The following LMNB2 variants were observed in gnomAD, a reference collection of about 807,000 sequenced individuals.
LMNB2 encodes lamin B2.
In LMNB2, 17 loss-of-function variants were observed where a neutral mutation model predicts 69.3. The ratio of observed to expected loss-of-function variants is 0.25; its 90% CI spans 0.17 to 0.37. The LOEUF is 0.37. LMNB2 is among the 10% of genes least tolerant of loss of function. The probability of loss-of-function intolerance (pLI) is 1.00; values close to 1 mark genes in which losing one functional copy is unlikely to be tolerated. For synonymous variants in LMNB2, 397 were observed against 389.3 expected (o/e 1.02, Z -0.23); for missense variants, 789 against 883.6 (o/e 0.89, Z 1.36).
At position 2,429,152 on chromosome 19, in the gene LMNB2, A is replaced by G. The variant is rs1254717957; in HGVS notation, c.*1759T>C. ...GACCACTGCAGACTCCCCATAGGACAAGATCACCAAGACCCACCCCCAGAA... is the reference window on the plus strand; with the variant it reads ...GACCACTGCAGACTCCCCATAGGACGAGATCACCAAGACCCACCCCCAGAA... On this transcript the variant is annotated 3_prime_UTR_variant, in exon 12 of 12. Coordinates refer to ENST00000325327, the MANE Select transcript of LMNB2 (RefSeq NM_032737.4). 1 of 152,266 alleles carries G rather than the reference A, an allele frequency of 6.6e-6. No homozygotes were observed. Among genetic ancestry groups the G allele is most frequent in the African/African-American group, 2.4e-5 (1 of 41,430 alleles). 9.4% of individuals were successfully genotyped at this position (152,266 alleles called of 1,614,324 possible).
At chr19:2,456,333 C>G (rs1419764604) in intron 1 of LMNB2, among the ~76,000 whole-genome samples, 1 of 133,998 alleles carries the variant, frequency 7.5e-6, no homozygotes, top group African/African-American at 2.8e-5. Flanking sequence ...TCTGCACCCC[C>G]GCCCAGGGTC....
chr19:2,433,856 C>G lies in LMNB2; in HGVS notation c.1452G>C (p.Lys484Asn), dbSNP rs1331902140. The change falls in exon 8 of 12, where the codon AAG becomes AAC. Residue 484 changes from lysine to asparagine, a missense_variant. Transcript: ENST00000325327. ...CCGAGTTGTTCTTGAGCTGCACAAA[C>G]TTGCCCTCCAGGTCGATCTCCTCGA... ...VSIEEIDLEG[K>N]FVQLKNNSDK... 4 of 1,613,450 alleles carry G rather than the reference C, an allele frequency of 2.5e-6. No homozygotes were observed. In the East Asian group the frequency reaches 8.9e-5, roughly 36 times the overall value.
At chr19:2,451,894 C>T (rs1160636086) in intron 1 of LMNB2, among the ~76,000 whole-genome samples, 1 of 152,080 alleles carries the variant, frequency 6.6e-6, no homozygotes, top group Non-Finnish European at 1.5e-5. Context: ...CCTCCGAGAC[C>T]CCCTCCAGCA....
chr19:2,456,597 G>C, intron 1 of LMNB2, 73 bp downstream of exon 1: 1 of 1,314,938 alleles, frequency 7.6e-7, no homozygotes, highest in South Asian at 2.0e-5. Flanking sequence ...CAGGGTCCCC[G>C]CGATCGCGCG....
At chr19:2,435,779 T>C (rs968713570) in intron 4 of LMNB2, among the ~76,000 whole-genome samples, 13 of 151,150 alleles carry the variant, frequency 8.6e-5, no homozygotes, top group Non-Finnish European at 1.5e-4. Flanking sequence ...GATCGCACCA[T>C]TGCACTCCAA....
intron 2 of LMNB2, among the ~76,000 whole-genome samples, chr19:2,440,152 A>G (rs1009030350): frequency 4.6e-5 from 7 of 151,538 alleles, no homozygotes; most frequent in African/African-American, 1.5e-4. Flanking sequence ...TTATCTATAT[A>G]ATCTATGTCC....
In LMNB2 at chr19:2,435,131, A is replaced by C. The variant is rs779447432; in HGVS notation, c.725T>G (p.Val242Gly). The change falls in exon 5 of 12, where the codon GTG (valine) becomes GGG (glycine). Residue 242 changes from valine to glycine, a missense_variant. Val to Gly is a moderately radical substitution (Grantham distance 109, BLOSUM62 -3). Around this residue, in one of 3 missense-constraint regions of LMNB2, gnomAD observed 609 missense variants for 630.9 expected, o/e 0.97. Coordinates refer to ENST00000325327, the MANE Select transcript of LMNB2 (RefSeq NM_032737.4). ...ETRRRHERRL[V>G]EVDSSRQQEY... is the part of the protein sequence containing the mutation. ...CTGCTGCCGGCTGCTGTCCACCTCC[A>C]CCAGGCGCCGCTCGTGCCGCCGCCG... 1.2e-6 allele frequency: 2 copies of C among 1,606,292 alleles called. No homozygotes were observed. The highest frequency in any genetic ancestry group is 8.5e-7 in the Non-Finnish European group (1 of 1,179,610).
At position 2,443,662 on chromosome 19, in the gene LMNB2, C is replaced by T. The variant is rs1407687018; in HGVS notation, c.401+742G>A. Among the ~76,000 whole-genome samples, 2 of 152,198 alleles carry T rather than the reference C, an allele frequency of 1.3e-5. No individual in the cohort carries two copies. The highest frequency in any genetic ancestry group is 2.9e-5 in the Non-Finnish European group (2 of 68,042). ...CGGAGACCACGGAAGACAGTGTCCA[C>T]ACGCAGGGCACCAGAGACCTCGCTC... is the stretch of plus-strand genomic sequence containing the variant. On this transcript the variant is annotated intron_variant, in intron 2 of 11. Coordinates refer to ENST00000325327, the MANE Select transcript of LMNB2 (RefSeq NM_032737.4). The surrounding 1 kb of genome is among the most constrained non-coding windows in gnomAD (Gnocchi z 6.2).
rs887995643 is a variant in LMNB2 at position 2,429,836 on chromosome 19, G to A, written c.*1075C>T. 2.0e-5 allele frequency: 3 copies of A among 152,310 alleles called. No individual in the cohort carries two copies. Among genetic ancestry groups the A allele is most frequent in the Non-Finnish European group, 4.4e-5 (3 of 68,108 alleles). 9.4% of individuals were successfully genotyped at this position (152,310 alleles called of 1,614,324 possible). ...CTATGAGGGAGGGTGTAAACGGTGAGCTATTGCCGAAGGGGGGTGCCAGGC... is the reference window on the plus strand; with the variant it reads ...CTATGAGGGAGGGTGTAAACGGTGAACTATTGCCGAAGGGGGGTGCCAGGC... On this transcript the variant is annotated 3_prime_UTR_variant, in exon 12 of 12. Coordinates refer to ENST00000325327, the MANE Select transcript of LMNB2 (RefSeq NM_032737.4).
intron 1 of LMNB2, among the ~76,000 whole-genome samples, chr19:2,455,868 T>G (rs2145478085): frequency 6.7e-6 from 1 of 149,840 alleles, no homozygotes; most frequent in South Asian, 2.1e-4. Context: ...GGGTCCCCCG[T>G]GATCGCGTAC....
In LMNB2 at chr19:2,453,518, C is replaced by T. The variant is rs1568210000; in HGVS notation, c.264+3152G>A. ...TGCTCCCCACTAGCCGGGTTCCTGGCCCACTAGTCGCAGGCGGAACTCCCA... is the reference window on the plus strand; with the variant it reads ...TGCTCCCCACTAGCCGGGTTCCTGGTCCACTAGTCGCAGGCGGAACTCCCA... On this transcript the variant is annotated intron_variant, in intron 1 of 11. Coordinates refer to ENST00000325327, the MANE Select transcript of LMNB2 (RefSeq NM_032737.4). This position sits in a 1 kb window ranked among gnomAD's most constrained non-coding sequence, Gnocchi z 4.4. Among the ~76,000 whole-genome samples, 1 of 152,110 alleles carries T rather than the reference C, an allele frequency of 6.6e-6. No homozygotes were observed. Among genetic ancestry groups the T allele is most frequent in the Non-Finnish European group, 1.5e-5 (1 of 68,014 alleles).
chr19:2,443,439 G>C lies in LMNB2; in HGVS notation c.401+965C>G, dbSNP rs1296054836. Among the ~76,000 whole-genome samples the C allele has an allele frequency of 3.3e-5, 5 of 152,174 alleles. No homozygotes were observed. Among genetic ancestry groups the C allele is most frequent in the Non-Finnish European group, 7.3e-5 (5 of 68,030 alleles). Reference sequence around the variant, plus strand: ...TTCCTCTGGCCACACTCCAACTCAGGGACAACGTGGATTCTCAAGCCACTG... The same window carrying C: ...TTCCTCTGGCCACACTCCAACTCAGCGACAACGTGGATTCTCAAGCCACTG... On this transcript the variant is annotated intron_variant, in intron 2 of 11. Transcript: ENST00000325327. This position sits in a 1 kb window ranked among gnomAD's most constrained non-coding sequence, Gnocchi z 6.2.
At chr19:2,451,022 C>T (rs1448051148) in intron 1 of LMNB2, among the ~76,000 whole-genome samples, 1 of 151,998 alleles carries the variant, frequency 6.6e-6, no homozygotes, top group Non-Finnish European at 1.5e-5. Context: ...TGGCAGATCC[C>T]CTGAGGTCAG....
At position 2,431,649 on chromosome 19, in the gene LMNB2, T is replaced by C. The variant is rs1209932416; in HGVS notation, c.1720A>G (p.Met574Val). ...LVNADGEEVA[M>V]RTVKKSSVMR... ...ACCGAGGACTTCTTCACAGTCCTCA[T>C]GGCCACTTCCTGTGCGGGACAGGAC... The change falls in exon 11 of 12, where the codon ATG becomes GTG. Residue 574 changes from methionine (M) to valine (V), a missense_variant. This residue lies in a region of LMNB2 where 609 missense variants were observed against 630.9 expected (regional missense o/e 0.97). Transcript: ENST00000325327. 3 of 1,614,144 alleles carry C rather than the reference T, an allele frequency of 1.9e-6. No individual in the cohort carries two copies. Among genetic ancestry groups the C allele is most frequent in the Non-Finnish European group, 8.5e-7 (1 of 1,180,008 alleles).
chr19:2,440,720 TCATC>T (rs142407808), intron 2 of LMNB2, among the ~76,000 whole-genome samples: 1,748 of 151,252 alleles, frequency 0.012, 37 homozygotes, highest in African/African-American at 0.04. Flanking sequence ...ATCCATCTAC[TCATC>T]CATCCATCCA....
At position 2,434,418 on chromosome 19, in the gene LMNB2, A is replaced by G; in HGVS notation, c.1079T>C (p.Met360Thr). The G allele has an allele frequency of 6.2e-7, 1 of 1,613,444 alleles. No homozygotes were observed. Among genetic ancestry groups the G allele is most frequent in the Non-Finnish European group, 8.5e-7 (1 of 1,179,978 alleles). The change falls in exon 7 of 12, where the codon ATG (methionine) becomes ACG (threonine). Residue 360 changes from methionine to threonine, a missense_variant. By Grantham distance (81) the Met-to-Thr change is moderately conservative (BLOSUM62 -1). Around this residue, in one of 3 missense-constraint regions of LMNB2, gnomAD observed 609 missense variants for 630.9 expected, o/e 0.97. Transcript: ENST00000325327. Reference sequence around the variant, plus strand: ...CTGCATCACGTCCCGCATCTCCGTCATCTCCTGCTCCTTGGCGTCCAGCAT... The same window carrying G: ...CTGCATCACGTCCCGCATCTCCGTCGTCTCCTGCTCCTTGGCGTCCAGCAT... ...RKMLDAKEQE[M>T]TEMRDVMQQQ... is the part of the protein sequence containing the mutation.
chr19:2,440,147 T>C (rs1288660018), intron 2 of LMNB2, among the ~76,000 whole-genome samples: 5 of 151,996 alleles, frequency 3.3e-5, no homozygotes, highest in Non-Finnish European at 7.4e-5. Flanking sequence ...TGTATTTATC[T>C]ATATAATCTA....
chr19:2,438,084 A>C (rs878952684), intron 4 of LMNB2, 79 bp downstream of exon 4: 15 of 1,599,824 alleles, frequency 9.4e-6, no homozygotes, highest in Non-Finnish European at 1.3e-5. Context: ...CGGTGCCCTC[A>C]GGCTTCCGCC....
At position 2,453,247 on chromosome 19, in the gene LMNB2, C is replaced by T. The variant is rs1179777141; in HGVS notation, c.264+3423G>A. 6.6e-6 allele frequency among the ~76,000 whole-genome samples: 1 copy of T among 152,090 alleles called. No individual in the cohort carries two copies. The highest frequency in any genetic ancestry group is 2.4e-5 in the African/African-American group (1 of 41,400). On this transcript the variant is annotated intron_variant, in intron 1 of 11. Coordinates refer to ENST00000325327, the MANE Select transcript of LMNB2 (RefSeq NM_032737.4). The surrounding 1 kb of genome is among the most constrained non-coding windows in gnomAD (Gnocchi z 4.4). ...AGAGTCCCCTGGGGGCAGAAGCTGGCCAGGTGAGAGAGGCCCTGCTGTCCA... is the reference window on the plus strand; with the variant it reads ...AGAGTCCCCTGGGGGCAGAAGCTGGTCAGGTGAGAGAGGCCCTGCTGTCCA...
Sources: gnomAD v4.1 joint callset for allele counts (sites outside exome capture counted in the v4.1 genomes callset) on GRCh38, gnomAD v4.1.1 for gene constraint, gnomAD v4.1.1 regional missense constraint, Gnocchi (gnomAD v3.1) non-coding constraint, MANE v1.5 for transcripts, NCBI Gene and HGNC (gene_info 2026-07-23, HGNC 2026-07-21) for gene names.